Variants in DLC1 observed in about 807,000 individuals in gnomAD.
DLC1 encodes the protein DLC1 Rho GTPase activating protein.
Under a neutral mutation model 140.3 loss-of-function variants are expected in DLC1, and 54 were observed. The ratio of observed to expected loss-of-function variants is 0.38; its 90% CI spans 0.31 to 0.48. The LOEUF is 0.48. DLC1 is among the 20% of genes least tolerant of loss of function. DLC1 has a pLI of 0.96. For missense variants in DLC1, 2,536 were observed against 1,907.0 expected, an observed-to-expected ratio of 1.33 and a Z score of -6.14; for synonymous variants, 986 against 728.1, an observed-to-expected ratio of 1.35 and a Z score of -5.70.
chr8:13,139,982 G>C (rs960750085), intron 5 of DLC1, among the ~76,000 whole-genome samples: 5 of 152,076 alleles, frequency 3.3e-5, no homozygotes, highest in Non-Finnish European at 7.3e-5. Flanking sequence ...ACGTTATTGT[G>C]TGACGATCAC....
intron 4 of DLC1, among the ~76,000 whole-genome samples, chr8:13,393,137 C>A (rs768546166): frequency 6.6e-6 from 1 of 150,518 alleles, no homozygotes; most frequent in Non-Finnish European, 1.5e-5. Flanking sequence ...TCTATCTGTC[C>A]ATCCATCCAT....
chr8:13,189,390 A>T (rs1185533443), intron 5 of DLC1, among the ~76,000 whole-genome samples: 1 of 146,370 alleles, frequency 6.8e-6, no homozygotes, highest in East Asian at 2.0e-4. Context: ...AGGCAGGAGG[A>T]TCACTTAAGG....
At chr8:13,230,668 C>G (rs865949284) in intron 5 of DLC1, among the ~76,000 whole-genome samples, 5 of 149,184 alleles carry the variant, frequency 3.4e-5, no homozygotes, top group Middle Eastern at 3.5e-3. Flanking sequence ...GTGATCTCAG[C>G]TCACTGCAAC....
At chr8:13,154,200 C>A (rs59422306) in intron 5 of DLC1, among the ~76,000 whole-genome samples, 1 of 152,206 alleles carries the variant, frequency 6.6e-6, no homozygotes, top group Non-Finnish European at 1.5e-5. Flanking sequence ...GTGCCAGGGC[C>A]GCACCAGGTG....
At chr8:13,544,486 G>C (rs907792996) in intron 1 of DLC1, among the ~76,000 whole-genome samples, 2 of 152,158 alleles carry the variant, frequency 1.3e-5, no homozygotes, top group Non-Finnish European at 2.9e-5. Context: ...ACTTTAGTGA[G>C]AGGTGCAGAG....
At chr8:13,134,618 T>A (rs1240065698) in intron 5 of DLC1, among the ~76,000 whole-genome samples, 2 of 152,120 alleles carry the variant, frequency 1.3e-5, no homozygotes, top group Non-Finnish European at 2.9e-5. Context: ...ATATCTTAGT[T>A]TACATACAGA....
At chr8:13,232,669 GA>G (rs1316619869) in intron 5 of DLC1, among the ~76,000 whole-genome samples, 5 of 152,192 alleles carry the variant, frequency 3.3e-5, no homozygotes, top group Non-Finnish European at 5.9e-5. Context: ...GCCCTAGCTA[GA>G]AGGATGCTTC....
At chr8:13,332,709 A>G (rs1833649468) in intron 4 of DLC1, among the ~76,000 whole-genome samples, 1 of 152,104 alleles carries the variant, frequency 6.6e-6, no homozygotes, top group South Asian at 2.1e-4. Flanking sequence ...GTGAGCCACC[A>G]TGTCTGGCCC....
chr8:13,095,002 G>A (rs370020860), intron 11 of DLC1, 45 bp from the exon 12 acceptor site: 9 of 1,613,682 alleles, frequency 5.6e-6, no homozygotes, highest in South Asian at 2.2e-5. Flanking sequence ...TCACGTGGAC[G>A]CAGTGTTTAC....
At chr8:13,599,281 C>T (rs538668430) in intron 1 of DLC1, among the ~76,000 whole-genome samples, 11 of 151,860 alleles carry the variant, frequency 7.2e-5, no homozygotes, top group African/African-American at 2.7e-4. Flanking sequence ...TTATGCCAGC[C>T]TCATGTCAAT....
At chr8:13,253,983 G>A (rs2117296697) in intron 5 of DLC1, among the ~76,000 whole-genome samples, 1 of 152,164 alleles carries the variant, frequency 6.6e-6, no homozygotes, top group Middle Eastern at 3.4e-3. Flanking sequence ...GGGTGAATGT[G>A]GTCTCTTTTA....
intron 2 of DLC1, among the ~76,000 whole-genome samples, chr8:13,437,127 G>A (rs910747391): frequency 4.6e-5 from 7 of 152,224 alleles, no homozygotes; most frequent in African/African-American, 1.4e-4. Flanking sequence ...TCTTTTTGCT[G>A]TCTTCCTCTG....
intron 1 of DLC1, among the ~76,000 whole-genome samples, chr8:13,557,029 T>C (rs887554124): frequency 5.3e-5 from 8 of 152,174 alleles, no homozygotes; most frequent in Admixed American, 5.2e-4. Flanking sequence ...CATATGCATA[T>C]TCAGGGGTCT....
chr8:13,176,502 C>T (rs1372407986), intron 5 of DLC1, among the ~76,000 whole-genome samples: 1 of 152,106 alleles, frequency 6.6e-6, no homozygotes, highest in African/African-American at 2.4e-5. Flanking sequence ...TGGTGTGAAC[C>T]CGGCAGGTGG....
intron 5 of DLC1, among the ~76,000 whole-genome samples, chr8:13,153,567 TGCTGATTGGTCCATTTTACAGAGA>T (rs2128979251): frequency 6.6e-6 from 1 of 152,378 alleles, no homozygotes; most frequent in East Asian, 1.9e-4. Context: ...ACCCACATCC[TGCTGATTGGTCCATTTTACAGAGA>T]GCTGATTGGT....
chr8:13,529,334 A>G (rs796485495), intron 1 of DLC1, among the ~76,000 whole-genome samples: 30 of 152,308 alleles, frequency 2.0e-4, no homozygotes, highest in African/African-American at 7.0e-4. Context: ...ATAATTAGAC[A>G]TGCATTATAC....
intron 1 of DLC1, among the ~76,000 whole-genome samples, chr8:13,587,602 CATATATATAT>C (rs3066503): frequency 1.4e-5 from 2 of 142,092 alleles, no homozygotes; most frequent in Admixed American, 1.4e-4. Flanking sequence ...ATATACATTG[CATATATATAT>C]ATATATATAT....
intron 1 of DLC1, among the ~76,000 whole-genome samples, chr8:13,505,319 G>T (rs538668031): frequency 6.6e-6 from 1 of 152,006 alleles, no homozygotes; most frequent in Admixed American, 6.6e-5. Flanking sequence ...ACTTTCTGTA[G>T]CAGGAAGTTA....
intron 8 of DLC1, 107 bp from the exon 9 acceptor site, chr8:13,100,877 C>A (rs1275926054): frequency 8.6e-7 from 1 of 1,160,730 alleles, no homozygotes; most frequent in South Asian, 2.2e-5. Context: ...CAATTTCCCC[C>A]TTGTACTTCA....
Sources: allele counts gnomAD v4.1 joint callset (sites outside exome capture counted in the v4.1 genomes callset), GRCh38; gene constraint gnomAD v4.1.1; transcripts MANE v1.5; gene names NCBI Gene and HGNC (gene_info 2026-07-23, HGNC 2026-07-21).